Variants in RASSF3 observed in about 807,000 individuals in gnomAD.
The protein encoded by RASSF3 is ras association domain-containing protein 3.
In RASSF3, 19 loss-of-function variants were observed where a neutral mutation model predicts 19.9. That is an observed-to-expected ratio of 0.96 (90% CI 0.67 to 1.40). The LOEUF (loss-of-function observed/expected upper bound fraction) is 1.40. Among genes scored for constraint, RASSF3 ranks in the 40% most tolerant of loss-of-function variants. RASSF3 has a pLI of 0.00. For synonymous variants in RASSF3, 110 were observed against 104.2 expected (o/e 1.06, Z -0.34); for missense variants, 306 against 289.8 (o/e 1.06, Z -0.41).
intron 2 of RASSF3, among the ~76,000 whole-genome samples, chr12:64,551,545 C>T (rs943597394): frequency 6.6e-6 from 1 of 152,026 alleles, no homozygotes; most frequent in African/African-American, 2.4e-5. Flanking sequence ...CACTGCACTC[C>T]AATCTGGGAG....
chr12:64,514,506 T>C (rs1419502897), intron 1 of RASSF3, among the ~76,000 whole-genome samples: 2 of 151,984 alleles, frequency 1.3e-5, no homozygotes, highest in Non-Finnish European at 2.9e-5. Context: ...TAAATTTAAA[T>C]GAAGTAGTGT....
intron 1 of RASSF3, among the ~76,000 whole-genome samples, chr12:64,535,661 G>A (rs1332791761): frequency 6.7e-6 from 1 of 148,928 alleles, no homozygotes; most frequent in Admixed American, 6.7e-5. Context: ...GAGCCACTGT[G>A]TCTGGACATG....
At chr12:64,533,122 T>C (rs576271809), upstream of RASSF3, 7 of 152,202 alleles carry the variant, frequency 4.6e-5, no homozygotes, top group South Asian at 8.3e-4. Flanking sequence ...CTTGGAAAAA[T>C]ACATGAAGCC....
chr12:64,532,202 C>G (rs1052744365), upstream of RASSF3, among the ~76,000 whole-genome samples: 24 of 152,142 alleles, frequency 1.6e-4, no homozygotes, highest in Non-Finnish European at 3.2e-4. Flanking sequence ...TTGCCGACTG[C>G]GAGTTCAAAT....
chr12:64,506,965 G>T (rs1236385177), upstream of RASSF3: 10 of 368,804 alleles, frequency 2.7e-5, no homozygotes, highest in African/African-American at 6.2e-5. Flanking sequence ...CTTCTCTTAA[G>T]AAAGCTTAAA....
chr12:64,612,424 G>A (rs1446473676), intron 1 of RASSF3, among the ~76,000 whole-genome samples: 1 of 151,342 alleles, frequency 6.6e-6, no homozygotes, highest in Admixed American at 6.6e-5. Context: ...ATCCTTTAGT[G>A]CTTTAAAGAG....
At chr12:64,548,847 G>A (rs184763557) in intron 2 of RASSF3, among the ~76,000 whole-genome samples, 73 of 152,334 alleles carry the variant, frequency 4.8e-4, no homozygotes, top group African/African-American at 1.6e-3. Context: ...GTGAGGGAAT[G>A]ATCCAGTGGT....
chr12:64,633,192 A>T (rs1470016823), intron 1 of RASSF3, among the ~76,000 whole-genome samples: 1 of 152,210 alleles, frequency 6.6e-6, no homozygotes, highest in Admixed American at 6.5e-5. Flanking sequence ...AAGATGAAAC[A>T]TATGTTTTGA....
intron 2 of RASSF3, among the ~76,000 whole-genome samples, chr12:64,588,834 G>A (rs1869862630): frequency 6.6e-6 from 1 of 151,762 alleles, no homozygotes; most frequent in Admixed American, 6.6e-5. Context: ...CACTTGAGTG[G>A]GAATTTTTTT....
intron 1 of RASSF3, among the ~76,000 whole-genome samples, chr12:64,672,127 C>CATATA (rs137996547): frequency 0.015 from 2,334 of 152,208 alleles, 61 homozygotes; most frequent in African/African-American, 0.053. Context: ...TTGATACAGG[C>CATATA]ATATAATAAT....
chr12:64,643,754 T>G (rs1871631875), intron 1 of RASSF3, among the ~76,000 whole-genome samples: 1 of 152,162 alleles, frequency 6.6e-6, no homozygotes, highest in Non-Finnish European at 1.5e-5. Context: ...GCATGTGAAT[T>G]TTAGACTGGG....
Position 64,688,243 on chromosome 12 carries a change from A to G in RASSF3, c.247A>G (p.Ile83Val). 6.2e-7 allele frequency: 1 copy of G among 1,614,116 alleles called. No individual in the cohort carries two copies. Among genetic ancestry groups the G allele is most frequent in the Non-Finnish European group, 8.5e-7 (1 of 1,179,942 alleles). ...TTCAAATGGGATTTACACTGGCTTC[A>G]TTAAAGTACAGATGGAACTCTGCAA... ...LNSNGIYTGF[I>V]KVQMELCKPP... Residue 83 changes from isoleucine to valine, a missense_variant, in exon 3 of 5, where the codon ATT becomes GTT. Coordinates refer to ENST00000542104, the MANE Select transcript of RASSF3 (RefSeq NM_178169.4).
intron 2 of RASSF3, among the ~76,000 whole-genome samples, chr12:64,584,988 C>T (rs925932777): frequency 1.4e-5 from 2 of 144,774 alleles, no homozygotes; most frequent in African/African-American, 2.5e-5. Context: ...CAGGTTCAAG[C>T]GATTCTCCTG....
At chr12:64,562,198 A>G (rs1198742730) in intron 2 of RASSF3, among the ~76,000 whole-genome samples, 1 of 151,770 alleles carries the variant, frequency 6.6e-6, no homozygotes, top group Non-Finnish European at 1.5e-5. Flanking sequence ...GCGCCACCGC[A>G]CCCAGCTAAT....
At chr12:64,594,745 T>C (rs1470676277) in intron 2 of RASSF3, among the ~76,000 whole-genome samples, 1 of 152,076 alleles carries the variant, frequency 6.6e-6, no homozygotes, top group Non-Finnish European at 1.5e-5. Context: ...AAAATTTACA[T>C]TTGTAAAGGA....
At chr12:64,631,907 C>T (rs2682721) in intron 1 of RASSF3, among the ~76,000 whole-genome samples, 2 of 151,842 alleles carry the variant, frequency 1.3e-5, no homozygotes, top group African/African-American at 2.4e-5. Flanking sequence ...GAGAGGACTT[C>T]AATGGAAAGA....
At chr12:64,687,345 A>G (rs1010912751) in intron 2 of RASSF3, among the ~76,000 whole-genome samples, 9 of 152,178 alleles carry the variant, frequency 5.9e-5, no homozygotes, top group Admixed American at 4.6e-4. Context: ...AGTGAAGACC[A>G]AACTGTTATT....
rs796649151 is a variant in RASSF3, at chr12:64,695,205, GTT to G, written c.*303_*304del. The G allele has an allele frequency of 1.0e-4, 24 of 238,042 alleles. No homozygotes were observed. The highest frequency in any genetic ancestry group is 1.5e-4 in the Non-Finnish European group (19 of 125,378). 14.7% of individuals were successfully genotyped at this position (238,042 alleles called of 1,614,324 possible). A position where few individuals can be genotyped will look rare whatever the true frequency, so the allele number is the denominator to read the frequency against. On this transcript the variant is annotated 3_prime_UTR_variant, in exon 5 of 5. Transcript: ENST00000542104. ...GCTTGGAAGCATGAACTCTGGGGGT[GTT>G]TTTTTTTTTGGTTATTTTAATTATG... is the stretch of plus-strand genomic sequence containing the variant.
chr12:64,694,706 C>T, intron 4 of RASSF3, 57 bp from the exon 5 acceptor site: 2 of 1,596,494 alleles, frequency 1.3e-6, no homozygotes, highest in Non-Finnish European at 1.7e-6. Context: ...GGTCAGCATT[C>T]CTAAGTCTAA....
Sources: allele counts gnomAD v4.1 joint callset (sites outside exome capture counted in the v4.1 genomes callset), GRCh38; gene constraint gnomAD v4.1.1; transcripts MANE v1.5; gene names NCBI Gene and HGNC (gene_info 2026-07-23, HGNC 2026-07-21).